CSMD1: variants seen among roughly 807,000 people sequenced by gnomAD.
CSMD1 encodes the protein CUB and Sushi multiple domains 1.
CSMD1 carries 213 observed loss-of-function variants against 417.5 expected under a neutral mutation model. The observed-to-expected ratio is 0.51, with a 90% CI of 0.46 to 0.57. The LOEUF is 0.57. Ranked by LOEUF, CSMD1 falls within the 20% of genes least tolerant of loss-of-function variation. CSMD1 has a pLI of 0.00. For synonymous variants in CSMD1, 2,862 were observed against 1,736.8 expected (o/e 1.65, Z -16.11); for missense variants, 6,923 against 4,529.7 (o/e 1.53, Z -15.17).
intron 54 of CSMD1, among the ~76,000 whole-genome samples, chr8:2,980,818 G>C (rs1438482035): frequency 6.6e-6 from 1 of 152,168 alleles, no homozygotes; most frequent in African/African-American, 2.4e-5. Context: ...TTGCTTGGAG[G>C]ATGTGTATTA....
At chr8:4,029,686 T>G (rs1743526745) in intron 4 of CSMD1, among the ~76,000 whole-genome samples, 1 of 152,106 alleles carries the variant, frequency 6.6e-6, no homozygotes, top group Non-Finnish European at 1.5e-5. Context: ...TCCTCACATT[T>G]CAAAACCAAC....
At chr8:3,662,853 G>T in intron 7 of CSMD1, among the ~76,000 whole-genome samples, 1 of 151,998 alleles carries the variant, frequency 6.6e-6, no homozygotes, top group East Asian at 1.9e-4. Flanking sequence ...TAGGGGGAAA[G>T]AGGGGGGAGA....
chr8:3,331,935 A>G (rs11777577), intron 23 of CSMD1, among the ~76,000 whole-genome samples: 17,001 of 152,212 alleles, frequency 0.11, 1,217 homozygotes, highest in African/African-American at 0.2. Context: ...GTGACTGATA[A>G]TAGATAGCTA....
intron 3 of CSMD1, among the ~76,000 whole-genome samples, chr8:4,097,299 G>T (rs6990225): frequency 6.6e-6 from 1 of 151,980 alleles, no homozygotes; most frequent in South Asian, 2.1e-4. Flanking sequence ...TATAAAATGG[G>T]TGATACTGAA....
At position 3,580,706 on chromosome 8, in the gene CSMD1, T is replaced by A. The variant is rs1177458883; in HGVS notation, c.1222+5430A>T. Among the ~76,000 whole-genome samples the A allele has an allele frequency of 2.0e-5, 3 of 152,194 alleles. No individual in the cohort carries two copies. In the East Asian group the frequency reaches 5.8e-4, roughly 29 times the overall value. ...ACAGGAATTAAAAATTAACCGTGTG[T>A]TCTTCTGTCTAAATCTCTGAGACAG... is the stretch of plus-strand genomic sequence containing the variant. On this transcript the variant is annotated intron_variant, in intron 9 of 69. Transcript: ENST00000635120.
chr8:4,011,621 A>G (rs975749365), intron 4 of CSMD1, among the ~76,000 whole-genome samples: 1 of 152,172 alleles, frequency 6.6e-6, no homozygotes, highest in African/African-American at 2.4e-5. Context: ...TTTAACATTC[A>G]TCCATTTCCT....
intron 56 of CSMD1, among the ~76,000 whole-genome samples, chr8:2,974,181 A>G (rs1301087996): frequency 6.6e-6 from 1 of 152,224 alleles, no homozygotes; most frequent in Non-Finnish European, 1.5e-5. Context: ...ACACGGAGCC[A>G]TGGCCGGCAA....
At chr8:3,857,539 T>C (rs1804397008) in intron 5 of CSMD1, among the ~76,000 whole-genome samples, 2 of 152,304 alleles carry the variant, frequency 1.3e-5, no homozygotes, top group Admixed American at 6.5e-5. Context: ...ATTACTCCAC[T>C]GGAAATGGCA....
chr8:3,323,951 G>C (rs1213520711), intron 23 of CSMD1, among the ~76,000 whole-genome samples: 1 of 145,192 alleles, frequency 6.9e-6, no homozygotes, highest in African/African-American at 2.6e-5. Flanking sequence ...ACCCAGGAGG[G>C]GGAGTTTCCT....
At chr8:3,678,908 C>A (rs912201516) in intron 7 of CSMD1, among the ~76,000 whole-genome samples, 1 of 152,142 alleles carries the variant, frequency 6.6e-6, no homozygotes, top group Non-Finnish European at 1.5e-5. Flanking sequence ...AAACAATTTT[C>A]AACCCAGAAT....
intron 5 of CSMD1, among the ~76,000 whole-genome samples, chr8:3,968,879 G>T (rs987804307): frequency 1.3e-5 from 2 of 152,146 alleles, no homozygotes; most frequent in African/African-American, 4.8e-5. Flanking sequence ...TTTCTTGCAA[G>T]AAAGATTCAT....
At chr8:4,690,039 T>C (rs1419050760) in intron 1 of CSMD1, among the ~76,000 whole-genome samples, 2 of 152,188 alleles carry the variant, frequency 1.3e-5, no homozygotes, top group African/African-American at 4.8e-5. Flanking sequence ...GAGAAGAGAA[T>C]GGGTTTGAAG....
At chr8:3,835,135 C>G (rs12548801) in intron 5 of CSMD1, among the ~76,000 whole-genome samples, 1 of 141,558 alleles carries the variant, frequency 7.1e-6, no homozygotes, top group Non-Finnish European at 1.5e-5. Flanking sequence ...GTAAACTAGT[C>G]CAACCATTGT....
At chr8:4,489,232 T>C (rs1416840492) in intron 2 of CSMD1, among the ~76,000 whole-genome samples, 2 of 152,192 alleles carry the variant, frequency 1.3e-5, no homozygotes, top group African/African-American at 4.8e-5. Context: ...TTCTTACATA[T>C]TTTCTACTTA....
chr8:4,481,165 A>G (rs1175479195), intron 2 of CSMD1, among the ~76,000 whole-genome samples: 2 of 152,206 alleles, frequency 1.3e-5, no homozygotes, highest in African/African-American at 4.8e-5. Flanking sequence ...TTCCGAATAC[A>G]CATCAGTTCC....
chr8:3,414,977 T>C (rs981992659), intron 12 of CSMD1, among the ~76,000 whole-genome samples: 13 of 152,234 alleles, frequency 8.5e-5, no homozygotes, highest in African/African-American at 2.9e-4. Flanking sequence ...TGCTTTACTG[T>C]AAGCCCTGGC....
intron 1 of CSMD1, among the ~76,000 whole-genome samples, chr8:4,802,104 C>A (rs1018859344): frequency 1.3e-5 from 2 of 152,198 alleles, no homozygotes; most frequent in Non-Finnish European, 2.9e-5. Context: ...TAAGTGTCCA[C>A]AGACAGTTTT....
At chr8:4,770,976 G>C (rs752448224) in intron 1 of CSMD1, among the ~76,000 whole-genome samples, 5 of 152,084 alleles carry the variant, frequency 3.3e-5, no homozygotes, top group Non-Finnish European at 5.9e-5. Context: ...ACACTAAAAA[G>C]CTTCTGCACA....
At chr8:3,790,894 T>A (rs560578119) in intron 5 of CSMD1, among the ~76,000 whole-genome samples, 2 of 152,188 alleles carry the variant, frequency 1.3e-5, no homozygotes, top group Non-Finnish European at 2.9e-5. Flanking sequence ...CGCTAATGAA[T>A]GGATGTGTCA....
Sources: allele counts gnomAD v4.1 joint callset (sites outside exome capture counted in the v4.1 genomes callset), GRCh38; gene constraint gnomAD v4.1.1; transcripts MANE v1.5; gene names NCBI Gene and HGNC (gene_info 2026-07-23, HGNC 2026-07-21).